ZFAT: variants seen among roughly 807,000 people sequenced by gnomAD.
The protein encoded by ZFAT is zinc finger and AT-hook domain containing.
A neutral mutation model predicts 117.7 loss-of-function variants in ZFAT; 64 were observed. The observed-to-expected ratio is 0.54, with a 90% CI of 0.44 to 0.67. ZFAT has a LOEUF of 0.67. ZFAT is among the 30% of genes least tolerant of loss of function. The probability of loss-of-function intolerance (pLI) is 0.00; values close to 1 mark genes in which losing one functional copy is unlikely to be tolerated. For missense variants in ZFAT, 1,433 were observed against 1,584.5 expected (o/e 0.90, Z 1.62); for synonymous variants, 679 against 615.0 (o/e 1.10, Z -1.54).
At chr8:134,564,595 CAT>C (rs1168281507) in intron 11 of ZFAT, among the ~76,000 whole-genome samples, 1 of 152,168 alleles carries the variant, frequency 6.6e-6, no homozygotes, top group African/African-American at 2.4e-5. Flanking sequence ...TAATGGTAGA[CAT>C]AATTTCAAAA....
chr8:134,741,212 C>G, the ZFAT span, among the ~76,000 whole-genome samples: 1 of 152,100 alleles, frequency 6.6e-6, no homozygotes, highest in Non-Finnish European at 1.5e-5. Context: ...CATCTCGCCC[C>G]CACCCCTCAT....
intron 11 of ZFAT, among the ~76,000 whole-genome samples, chr8:134,549,971 G>A (rs1310022954): frequency 6.6e-6 from 1 of 152,168 alleles, no homozygotes. Flanking sequence ...GAGTGAGGGG[G>A]AAGCAGATTT....
At chr8:134,655,024 T>A (rs1178866975) in intron 2 of ZFAT, among the ~76,000 whole-genome samples, 1 of 152,170 alleles carries the variant, frequency 6.6e-6, no homozygotes, top group Non-Finnish European at 1.5e-5. Flanking sequence ...CCCAGCCACA[T>A]ACAGGAGTGA....
the ZFAT span, chr8:134,784,524 C>T: frequency 2.0e-5 from 3 of 151,830 alleles, no homozygotes; most frequent in Non-Finnish European, 4.4e-5. Flanking sequence ...TACAATCTAG[C>T]GAACATAAAA....
intron 9 of ZFAT, among the ~76,000 whole-genome samples, chr8:134,584,765 G>A (rs1237387415): frequency 6.6e-6 from 1 of 151,968 alleles, no homozygotes; most frequent in Non-Finnish European, 1.5e-5. Flanking sequence ...TGTGTGATGT[G>A]CTATAGGGAC....
chr8:134,523,991 G>A (rs6992913), intron 12 of ZFAT, among the ~76,000 whole-genome samples: 25,232 of 152,104 alleles, frequency 0.17, 3,444 homozygotes, highest in African/African-American at 0.37. Flanking sequence ...TTCCTAGAGC[G>A]GGAACTTCAG....
chr8:134,531,872 A>G (rs1346601400), intron 12 of ZFAT, among the ~76,000 whole-genome samples: 1 of 152,232 alleles, frequency 6.6e-6, no homozygotes, highest in East Asian at 1.9e-4. Context: ...CAGCGAGCGG[A>G]GCTTCACGCT....
intron 2 of ZFAT, among the ~76,000 whole-genome samples, chr8:134,645,794 T>C (rs1014937273): frequency 7.2e-5 from 11 of 152,184 alleles, no homozygotes; most frequent in Non-Finnish European, 2.9e-5. Flanking sequence ...CAAATTCTAA[T>C]ACATATACCG....
intron 15 of ZFAT, among the ~76,000 whole-genome samples, chr8:134,505,563 G>C (rs1819339800): frequency 6.6e-6 from 1 of 152,178 alleles, no homozygotes; most frequent in Non-Finnish European, 1.5e-5. Context: ...GTCATCAGAA[G>C]GGCCCTTTAA....
the ZFAT span, among the ~76,000 whole-genome samples, chr8:134,758,355 G>A: frequency 6.6e-6 from 1 of 150,428 alleles, no homozygotes; most frequent in African/African-American, 2.4e-5. Context: ...CAGTCATTTG[G>A]GAATAAAACA....
chr8:134,827,607 A>C, the ZFAT span, among the ~76,000 whole-genome samples: 2 of 151,974 alleles, frequency 1.3e-5, no homozygotes, highest in Non-Finnish European at 2.9e-5. Context: ...GTCTCTACTG[A>C]AAATACAAAA....
At chr8:134,764,013 T>A in the ZFAT span, among the ~76,000 whole-genome samples, 17 of 152,260 alleles carry the variant, frequency 1.1e-4, no homozygotes, top group Non-Finnish European at 2.2e-4. Context: ...ATCATGTATG[T>A]AACAGCAAGG....
At chr8:134,568,744 GT>G (rs1168417874) in intron 10 of ZFAT, among the ~76,000 whole-genome samples, 3 of 152,214 alleles carry the variant, frequency 2.0e-5, no homozygotes, top group Non-Finnish European at 4.4e-5. Flanking sequence ...TATTACTAAT[GT>G]TTTCAGCAAC....
intron 1 of ZFAT, among the ~76,000 whole-genome samples, chr8:134,700,888 C>T (rs376423178): frequency 7.9e-5 from 12 of 152,278 alleles, no homozygotes; most frequent in African/African-American, 9.6e-5. Context: ...AAGTTCAAAT[C>T]GAGAGACAGG....
chr8:134,570,048 C>T (rs1450586588), intron 10 of ZFAT, among the ~76,000 whole-genome samples: 2 of 152,168 alleles, frequency 1.3e-5, no homozygotes, highest in Non-Finnish European at 1.5e-5. Context: ...GACTCCCTGT[C>T]ACCTCTCAGA....
At chr8:134,822,377 A>G in the ZFAT span, among the ~76,000 whole-genome samples, 3 of 151,988 alleles carry the variant, frequency 2.0e-5, no homozygotes, top group Admixed American at 6.6e-5. Flanking sequence ...CCAAATTCCC[A>G]TATGTTCTCT....
chr8:134,819,493 A>ACCCCCCCCCCCCC, the ZFAT span, among the ~76,000 whole-genome samples: 1 of 19,444 alleles, frequency 5.1e-5, no homozygotes, highest in Non-Finnish European at 1.0e-4. Context: ...TGCCGGATTT[A>ACCCCCCCCCCCCC]CCACCCCCCC....
chr8:134,615,254 T>C (rs1004940192), intron 3 of ZFAT, among the ~76,000 whole-genome samples: 5 of 152,186 alleles, frequency 3.3e-5, no homozygotes, highest in African/African-American at 1.2e-4. Context: ...TGGTGCGATC[T>C]TGGCTGACTG....
intron 1 of ZFAT, among the ~76,000 whole-genome samples, chr8:134,671,886 G>C (rs1320040027): frequency 6.6e-6 from 1 of 152,214 alleles, no homozygotes; most frequent in Non-Finnish European, 1.5e-5. Context: ...TCCTTAAGCT[G>C]ATAAGCAACT....
Sources: allele counts gnomAD v4.1 joint callset (sites outside exome capture counted in the v4.1 genomes callset), GRCh38; gene constraint gnomAD v4.1.1; transcripts MANE v1.5; gene names NCBI Gene and HGNC (gene_info 2026-07-23, HGNC 2026-07-21).